Variants in CDKAL1 observed in about 807,000 individuals in gnomAD.
The protein encoded by CDKAL1 is threonylcarbamoyladenosine tRNA methylthiotransferase.
Under a neutral mutation model 68.2 loss-of-function variants are expected in CDKAL1, and 32 were observed. That is an observed-to-expected ratio of 0.47 (90% CI 0.35 to 0.63). The LOEUF is 0.63. Among genes scored for constraint, CDKAL1 ranks in the 30% least tolerant of loss-of-function variants. The probability of loss-of-function intolerance (pLI) is 0.00; values close to 1 mark genes in which losing one functional copy is unlikely to be tolerated. For missense variants in CDKAL1, 606 were observed against 696.7 expected, an observed-to-expected ratio of 0.87 and a Z score of 1.47; for synonymous variants, 234 against 244.3, an observed-to-expected ratio of 0.96 and a Z score of 0.39.
chr6:21,093,266 C>T (rs1418022076), intron 12 of CDKAL1, among the ~76,000 whole-genome samples: 1 of 152,196 alleles, frequency 6.6e-6, no homozygotes, highest in East Asian at 1.9e-4. Flanking sequence ...TGAGTGATTC[C>T]TTCCCTATTT....
chr6:20,825,475 G>A (rs78617362), intron 8 of CDKAL1, among the ~76,000 whole-genome samples: 1,575 of 152,142 alleles, frequency 0.01, 9 homozygotes, highest in Non-Finnish European at 0.016. Context: ...AGATTATTAC[G>A]AGTCAAAGAT....
intron 12 of CDKAL1, among the ~76,000 whole-genome samples, chr6:21,105,551 T>C (rs1462892255): frequency 1.3e-5 from 2 of 152,206 alleles, no homozygotes; most frequent in African/African-American, 2.4e-5. Context: ...TCCTTATTAA[T>C]ATCAGGTCCA....
intron 11 of CDKAL1, among the ~76,000 whole-genome samples, chr6:21,005,909 A>G (rs1006722220): frequency 2.0e-5 from 3 of 152,146 alleles, no homozygotes; most frequent in Non-Finnish European, 4.4e-5. Flanking sequence ...CTAGAGGGGA[A>G]GTAGCAGACT....
At chr6:20,664,248 G>A (rs558430016) in intron 5 of CDKAL1, among the ~76,000 whole-genome samples, 4 of 152,172 alleles carry the variant, frequency 2.6e-5, no homozygotes, top group East Asian at 1.9e-4. Flanking sequence ...GTGCTCGCAC[G>A]CTCAATGTAG....
chr6:20,765,705 T>C (rs1774671093), intron 7 of CDKAL1, among the ~76,000 whole-genome samples: 1 of 152,220 alleles, frequency 6.6e-6, no homozygotes, highest in Admixed American at 6.5e-5. Flanking sequence ...ACAAAAACAT[T>C]GTATGATAAG....
intron 2 of CDKAL1, among the ~76,000 whole-genome samples, chr6:20,538,939 A>AT (rs1167705791): frequency 1.3e-5 from 2 of 152,230 alleles, no homozygotes; most frequent in Admixed American, 1.3e-4. Flanking sequence ...AAAAGAGATG[A>AT]TGCCTTTGTG....
intron 13 of CDKAL1, among the ~76,000 whole-genome samples, chr6:21,172,912 T>A (rs1343221725): frequency 6.6e-6 from 1 of 152,152 alleles, no homozygotes; most frequent in African/African-American, 2.4e-5. Context: ...GACTACGCAT[T>A]TCATTAGAAT....
At chr6:20,822,656 A>G (rs9465907) in intron 8 of CDKAL1, among the ~76,000 whole-genome samples, 47,030 of 151,972 alleles carry the variant, frequency 0.31, 7,577 homozygotes, top group East Asian at 0.53. Flanking sequence ...ATGAATTATG[A>G]GGATGGTTTC....
chr6:20,636,703 A>T lies in CDKAL1; in HGVS notation c.287-12590A>T, dbSNP rs1041184007. On this transcript the variant is annotated intron_variant, in intron 4 of 15. Coordinates refer to ENST00000274695, the MANE Select transcript of CDKAL1 (RefSeq NM_017774.3). ...TGGGATGGGGGAGGGAGATGGATAAAGTAGAAAGGCCAGGGAGAGTGATGC... is the reference window on the plus strand; with the variant it reads ...TGGGATGGGGGAGGGAGATGGATAATGTAGAAAGGCCAGGGAGAGTGATGC... 3.9e-5 allele frequency among the ~76,000 whole-genome samples: 6 copies of T among 152,194 alleles called. No homozygotes were observed. In the East Asian group the frequency reaches 1.2e-3, roughly 29 times the overall value.
chr6:20,832,784 G>A (rs1777772125), intron 8 of CDKAL1, among the ~76,000 whole-genome samples: 1 of 152,120 alleles, frequency 6.6e-6, no homozygotes, highest in African/African-American at 2.4e-5. Context: ...AAATTTCAAT[G>A]GCATATCATA....
At chr6:20,660,073 A>G (rs767720722) in intron 5 of CDKAL1, among the ~76,000 whole-genome samples, 1 of 152,128 alleles carries the variant, frequency 6.6e-6, no homozygotes, top group Non-Finnish European at 1.5e-5. Context: ...ACCTGGCTAA[A>G]TAGTTGATCT....
chr6:20,924,806 G>C (rs2150659904), intron 9 of CDKAL1, among the ~76,000 whole-genome samples: 1 of 152,348 alleles, frequency 6.6e-6, no homozygotes, highest in South Asian at 2.1e-4. Context: ...GAAGGTCTAA[G>C]ACCATCGATG....
intron 9 of CDKAL1, among the ~76,000 whole-genome samples, chr6:20,948,115 C>T (rs1170405409): frequency 6.7e-6 from 1 of 149,526 alleles, no homozygotes; most frequent in Non-Finnish European, 1.5e-5. Flanking sequence ...CTCCTGGGGT[C>T]TAGTGATCCT....
chr6:20,827,855 T>G (rs1052333046), intron 8 of CDKAL1, among the ~76,000 whole-genome samples: 4 of 152,192 alleles, frequency 2.6e-5, no homozygotes, highest in African/African-American at 9.6e-5. Context: ...TTTTAGTTTT[T>G]TTTTTAATTG....
intron 11 of CDKAL1, among the ~76,000 whole-genome samples, chr6:21,055,522 G>C (rs1236142304): frequency 6.6e-6 from 1 of 151,840 alleles, no homozygotes; most frequent in Admixed American, 6.6e-5. Context: ...ATTTTCCCTG[G>C]TACTCTTCCC....
intron 6 of CDKAL1, among the ~76,000 whole-genome samples, chr6:20,749,937 C>T (rs1030607158): frequency 2.0e-5 from 3 of 151,568 alleles, no homozygotes; most frequent in Non-Finnish European, 2.9e-5. Flanking sequence ...AACTCCTAGG[C>T]TCAAACAATC....
intron 12 of CDKAL1, among the ~76,000 whole-genome samples, chr6:21,096,362 T>C (rs529220069): frequency 6.6e-6 from 1 of 152,370 alleles, no homozygotes; most frequent in Admixed American, 6.5e-5. Context: ...TATGAGGCTC[T>C]GAGCATTAAT....
chr6:20,637,999 A>T (rs1429063621), intron 4 of CDKAL1, among the ~76,000 whole-genome samples: 3 of 152,222 alleles, frequency 2.0e-5, no homozygotes, highest in Non-Finnish European at 4.4e-5. Context: ...AAATATTTGT[A>T]ACCAGTCATT....
At chr6:20,610,489 GT>G (rs200475489) in intron 4 of CDKAL1, among the ~76,000 whole-genome samples, 46 of 142,584 alleles carry the variant, frequency 3.2e-4, no homozygotes, top group Admixed American at 2.0e-3. Context: ...TGTGGAAAAC[GT>G]TTTTTTTTCT....
Sources: allele counts gnomAD v4.1 joint callset (sites outside exome capture counted in the v4.1 genomes callset), GRCh38; gene constraint gnomAD v4.1.1; transcripts MANE v1.5; gene names NCBI Gene and HGNC (gene_info 2026-07-23, HGNC 2026-07-21).